The following ZCCHC4 variants were observed in gnomAD, a reference collection of about 807,000 sequenced individuals.
ZCCHC4 encodes the protein rRNA N(6)-adenosine-methyltransferase ZCCHC4.
Under a neutral mutation model 67.7 loss-of-function variants are expected in ZCCHC4, and 54 were observed. The observed-to-expected ratio is 0.80, with a 90% confidence interval of 0.64 to 1.00. The LOEUF is 1.00. Ranked by LOEUF, ZCCHC4 falls within the 50% of genes least tolerant of loss-of-function variation. ZCCHC4 has a pLI of 0.00. For missense variants in ZCCHC4, 609 were observed against 617.0 expected, an observed-to-expected ratio of 0.99 and a Z score of 0.14; for synonymous variants, 198 against 213.5, an observed-to-expected ratio of 0.93 and a Z score of 0.63.
chr4:25,356,700 C>T (rs1333043889), intron 8 of ZCCHC4, among the ~76,000 whole-genome samples: 1 of 151,886 alleles, frequency 6.6e-6, no homozygotes, highest in Non-Finnish European at 1.5e-5. Flanking sequence ...TTATGACACT[C>T]ATAAATGCTC....
In ZCCHC4 at chr4:25,312,877, C is replaced by T. The variant is rs1009337189; in HGVS notation, c.68C>T (p.Ser23Leu). Residue 23 changes from serine to leucine, a missense_variant, in exon 1 of 13, where the codon TCG (serine) becomes TTG (leucine). Transcript: ENST00000302874. ...AEGSAGCRGS[S>L]GMEVVLPLDP... ...GGCAGCGCAGGGTGCCGGGGAAGCT[C>T]GGGAATGGAGGTGGTGCTTCCTTTG... The T allele has an allele frequency of 1.9e-6, 3 of 1,612,840 alleles. No homozygotes were observed. The highest frequency in any genetic ancestry group is 1.7e-6 in the Non-Finnish European group (2 of 1,180,028).
chr4:25,349,747 T>G, intron 7 of ZCCHC4, 105 bp downstream of exon 7: 1 of 1,186,518 alleles, frequency 8.4e-7, no homozygotes, highest in East Asian at 2.5e-5. Context: ...TATACATGTC[T>G]TGAGTTCTCT....
chr4:25,349,520 T>C lies in ZCCHC4; in HGVS notation c.788T>C (p.Leu263Ser). Reference protein sequence around the residue: ...KTALEVCRAFLQEDKGEGIIM... With the variant: ...KTALEVCRAFSQEDKGEGIIM... ...GCCCTTGAAGTATGCAGAGCATTTT[T>C]ACAGGAAGATAAAGGCGAAGGAATC... The change falls in exon 7 of 13, where the codon TTA (leucine) becomes TCA (serine). Residue 263 changes from leucine to serine, a missense_variant. Transcript: ENST00000302874. The C allele has an allele frequency of 6.2e-7, 1 of 1,613,976 alleles. No individual in the cohort carries two copies.
At chr4:25,316,692 C>T (rs73254139) in intron 3 of ZCCHC4, among the ~76,000 whole-genome samples, 12,567 of 152,092 alleles carry the variant, frequency 0.083, 593 homozygotes, top group East Asian at 0.16. Flanking sequence ...CACAGGAGTT[C>T]TTTATATGTT....
intron 7 of ZCCHC4, among the ~76,000 whole-genome samples, chr4:25,351,293 T>C (rs148830648): frequency 9.2e-5 from 14 of 152,288 alleles, no homozygotes; most frequent in African/African-American, 3.4e-4. Flanking sequence ...TGGCACTCCT[T>C]TTCTATTTTC....
chr4:25,369,026 C>T lies in ZCCHC4; in HGVS notation c.1407-3C>T. The T allele has an allele frequency of 1.2e-6, 2 of 1,606,284 alleles. No individual in the cohort carries two copies. The highest frequency in any genetic ancestry group is 8.5e-7 in the Non-Finnish European group (1 of 1,178,252). On this transcript the variant is annotated splice_polypyrimidine_tract_variant and splice_region_variant and intron_variant, in intron 12 of 12. Coordinates refer to ENST00000302874, the MANE Select transcript of ZCCHC4 (RefSeq NM_024936.3). ...TGAAATAATTTAGCACCTTGTTTTC[C>T]AGAGCTGTCAGAAAGCAGAAGCAAA...
chr4:25,345,453 T>G lies in ZCCHC4; in HGVS notation c.687-95T>G, dbSNP rs559799848. On this transcript the variant is annotated intron_variant, in intron 5 of 12. Transcript: ENST00000302874. ...ATTTCAAAAAACTAAAAAATGAAAT[T>G]TTTTAAAGGTGTGATTTTATTGTTT... 495 of 781,762 alleles carry G rather than the reference T, an allele frequency of 6.3e-4. 1 individual carries two copies. The highest frequency in any genetic ancestry group is 9.0e-4 in the Non-Finnish European group (439 of 488,138). 48.4% of individuals were successfully genotyped at this position (781,762 alleles called of 1,614,324 possible).
In ZCCHC4 at chr4:25,312,944, A is replaced by G. The variant is rs955234685; in HGVS notation, c.127+8A>G. ...CCCCGCTGTGCCCTCACGGTGGGTCAGAGTCTGGGCTCAGCCTAACTGCCG... is the reference window on the plus strand; with the variant it reads ...CCCCGCTGTGCCCTCACGGTGGGTCGGAGTCTGGGCTCAGCCTAACTGCCG... On this transcript the variant is annotated splice_region_variant and intron_variant, in intron 1 of 12. Transcript: ENST00000302874. 6.2e-7 allele frequency: 1 copy of G among 1,611,332 alleles called. No homozygotes were observed. Among genetic ancestry groups the G allele is most frequent in the African/African-American group, 1.3e-5 (1 of 74,852 alleles).
At chr4:25,350,029 C>T (rs61442925) in intron 7 of ZCCHC4, among the ~76,000 whole-genome samples, 6,157 of 152,108 alleles carry the variant, frequency 0.04, 142 homozygotes, top group African/African-American at 0.063. Flanking sequence ...GTGGATCATA[C>T]ATTCCCTGTT....
intron 1 of ZCCHC4, 125 bp from the exon 2 acceptor site, chr4:25,313,921 A>C (rs1225547921): frequency 1.5e-6 from 1 of 653,754 alleles, no homozygotes; most frequent in Non-Finnish European, 2.7e-6. Context: ...AAAGAGATGG[A>C]TTTAATTATG....
At chr4:25,362,138 GT>G in intron 9 of ZCCHC4, 87 bp from the exon 10 acceptor site, 1 of 1,455,226 alleles carries the variant, frequency 6.9e-7, no homozygotes, top group South Asian at 1.3e-5. Context: ...ATTGCACCCA[GT>G]TTTTGTAATG....
intron 6 of ZCCHC4, among the ~76,000 whole-genome samples, chr4:25,347,710 A>G (rs1335879183): frequency 2.0e-5 from 3 of 152,242 alleles, no homozygotes; most frequent in East Asian, 1.9e-4. Flanking sequence ...AGTGCACCTC[A>G]GCACTTTACA....
rs142987714 is a variant in ZCCHC4, at chr4:25,331,535, G to C, written c.330-1648G>C. ...TTGCCCAGGCTGGTCTTGAGCTCCT[G>C]GCCTCAAGTGATCCTCCTGTCGTGG... On this transcript the variant is annotated intron_variant, in intron 3 of 12. Transcript: ENST00000302874. 3.2e-3 allele frequency among the ~76,000 whole-genome samples: 480 copies of C among 152,286 alleles called. 7 individuals are homozygous for C. The East Asian group carries it at 0.05, about 16-fold the overall frequency.
chr4:25,360,594 A>G (rs1429268730), intron 8 of ZCCHC4, among the ~76,000 whole-genome samples: 1 of 152,196 alleles, frequency 6.6e-6, no homozygotes, highest in Non-Finnish European at 1.5e-5. Flanking sequence ...CAATCCCCCA[A>G]ACTGGGACAG....
At chr4:25,357,617 C>G (rs1327391403) in intron 8 of ZCCHC4, among the ~76,000 whole-genome samples, 1 of 152,220 alleles carries the variant, frequency 6.6e-6, no homozygotes, top group Non-Finnish European at 1.5e-5. Flanking sequence ...GCCTCTCTTT[C>G]CCTTGTCCTC....
chr4:25,320,103 T>A (rs76480870), intron 3 of ZCCHC4, among the ~76,000 whole-genome samples: 1,743 of 152,292 alleles, frequency 0.011, 34 homozygotes, highest in African/African-American at 0.038. Context: ...TTTTCATTTT[T>A]CTAATCTCAC....
At chr4:25,363,311 C>T (rs1274363011) in intron 10 of ZCCHC4, among the ~76,000 whole-genome samples, 2 of 152,134 alleles carry the variant, frequency 1.3e-5, no homozygotes, top group East Asian at 3.9e-4. Flanking sequence ...TAGTAATAGG[C>T]ATTAAAGGTT....
intron 10 of ZCCHC4, among the ~76,000 whole-genome samples, chr4:25,362,608 G>A (rs1720791132): frequency 6.6e-6 from 1 of 152,098 alleles, no homozygotes; most frequent in Admixed American, 6.6e-5. Context: ...ACAAAATTAT[G>A]GTGTTTCAAA....
At chr4:25,331,392 ACTC>A (rs1719173895) in intron 3 of ZCCHC4, among the ~76,000 whole-genome samples, 1 of 151,912 alleles carries the variant, frequency 6.6e-6, no homozygotes, top group African/African-American at 2.4e-5. Flanking sequence ...GCAGCCTTGA[ACTC>A]CTGGGCTCAA....
Sources: gnomAD v4.1 joint callset for allele counts (sites outside exome capture counted in the v4.1 genomes callset) on GRCh38, gnomAD v4.1.1 for gene constraint, MANE v1.5 for transcripts, NCBI Gene and HGNC (gene_info 2026-07-23, HGNC 2026-07-21) for gene names.